The following SLC12A2 variants were observed in gnomAD, a reference collection of about 807,000 sequenced individuals.
SLC12A2 encodes solute carrier family 12 member 2, also known as Na-K-2Cl cotransporter 1.
SLC12A2 carries 67 observed loss-of-function variants against 136.3 expected under a neutral mutation model. That is an observed-to-expected ratio of 0.49 (90% CI 0.40 to 0.60). The LOEUF (loss-of-function observed/expected upper bound fraction) is 0.60. SLC12A2 is among the 20% of genes least tolerant of loss of function. The pLI is 0.00. For missense variants in SLC12A2, 1,322 were observed against 1,534.7 expected (o/e 0.86, Z 2.32); for synonymous variants, 619 against 562.9 (o/e 1.10, Z -1.41).
At chr5:128,126,244 A>C (rs1248401484) in intron 4 of SLC12A2, among the ~76,000 whole-genome samples, 1 of 152,222 alleles carries the variant, frequency 6.6e-6, no homozygotes, top group Non-Finnish European at 1.5e-5. Flanking sequence ...CTAATAATCC[A>C]GTTTAAAAAT....
intron 10 of SLC12A2, among the ~76,000 whole-genome samples, chr5:128,145,533 T>C (rs1373144510): frequency 6.6e-6 from 1 of 152,110 alleles, no homozygotes; most frequent in African/African-American, 2.4e-5. Context: ...GCACAGCATA[T>C]ATGTAACTAC....
intron 1 of SLC12A2, chr5:128,110,087 C>G: frequency 2.1e-6 from 2 of 948,910 alleles, no homozygotes; most frequent in Non-Finnish European, 3.5e-6. Flanking sequence ...AAGTTTATAT[C>G]AAGTCTCATG....
At chr5:128,185,683 T>G (rs1017966082) in intron 26 of SLC12A2, among the ~76,000 whole-genome samples, 3 of 152,164 alleles carry the variant, frequency 2.0e-5, no homozygotes, top group African/African-American at 7.2e-5. Flanking sequence ...AAAAATTGCA[T>G]TTATCCATAT....
At chr5:128,166,000 T>C (rs924349894) in intron 17 of SLC12A2, among the ~76,000 whole-genome samples, 4 of 127,134 alleles carry the variant, frequency 3.1e-5, no homozygotes, top group African/African-American at 9.4e-5. Context: ...TATCTGCCTC[T>C]CCAAGTCAAA....
intron 4 of SLC12A2, among the ~76,000 whole-genome samples, chr5:128,124,534 G>T (rs1761708428): frequency 6.6e-6 from 1 of 152,074 alleles, no homozygotes; most frequent in Admixed American, 6.5e-5. Flanking sequence ...TATAATAAAG[G>T]CTACAACACA....
At chr5:128,157,850 T>C (rs534739414) in intron 15 of SLC12A2, 7 of 501,992 alleles carry the variant, frequency 1.4e-5, no homozygotes, top group African/African-American at 1.2e-4. Flanking sequence ...GAGGGACATT[T>C]GGCATGATGT....
At position 128,114,200 on chromosome 5, in the gene SLC12A2, T is replaced by G. The variant is rs932431887; in HGVS notation, c.877-12T>G. ...TCTTCCTCTGTGTCTTGGCCTCTTT[T>G]TCCCTCTTTAGGTACGTTGTATGTT... is the stretch of plus-strand genomic sequence containing the variant. On this transcript the variant is annotated splice_polypyrimidine_tract_variant and intron_variant, in intron 2 of 26. Coordinates refer to ENST00000262461, the MANE Select transcript of SLC12A2 (RefSeq NM_001046.3). 4 of 1,605,112 alleles carry G rather than the reference T, an allele frequency of 2.5e-6. No individual in the cohort carries two copies. Among genetic ancestry groups the G allele is most frequent in the Non-Finnish European group, 3.4e-6 (4 of 1,172,606 alleles).
Position 128,084,943 on chromosome 5 carries a change from A to G in SLC12A2, c.756+233A>G, listed in dbSNP as rs1463099306. Among the ~76,000 whole-genome samples the G allele has an allele frequency of 6.8e-6, 1 of 147,046 alleles. No individual in the cohort carries two copies. Among genetic ancestry groups the G allele is most frequent in the African/African-American group, 2.5e-5 (1 of 39,522 alleles). On this transcript the variant is annotated intron_variant, in intron 1 of 26. Coordinates refer to ENST00000262461, the MANE Select transcript of SLC12A2 (RefSeq NM_001046.3). The surrounding 1 kb of genome is among the most constrained non-coding windows in gnomAD (Gnocchi z 5.6). Reference sequence around the variant, plus strand: ...TGATACCGGAGGGCTGCCTCTAACAACCTTCCCCATCCAGTTAGGTATCTC... The same window carrying G: ...TGATACCGGAGGGCTGCCTCTAACAGCCTTCCCCATCCAGTTAGGTATCTC...
chr5:128,184,324 TAAAATA>T (rs1763800317), intron 24 of SLC12A2, 36 bp from the exon 25 acceptor site: 1 of 1,272,228 alleles, frequency 7.9e-7, no homozygotes, highest in South Asian at 1.8e-5. Flanking sequence ...TTATGTAACT[TAAAATA>T]AGATTAGTTG....
chr5:128,148,823 C>T lies in SLC12A2; in HGVS notation c.1951C>T (p.Pro651Ser). 1 of 1,608,250 alleles carries T rather than the reference C, an allele frequency of 6.2e-7. No homozygotes were observed. Residue 651 changes from proline to serine, a missense_variant, in exon 12 of 27, where the codon CCT becomes TCT. This residue lies in a region of SLC12A2 where 294 missense variants were observed against 436.6 expected (regional missense o/e 0.67). Coordinates refer to ENST00000262461, the MANE Select transcript of SLC12A2 (RefSeq NM_001046.3). The stretch of plus-strand genomic sequence containing the variant: ...TAAAGGTTATGGGAAAAATAATGAA[C>T]CTCTTCGTGGCTACATCTTAACATT... The part of the protein sequence containing the change: ...FAKGYGKNNE[P>S]LRGYILTFLI...
At position 128,148,839 on chromosome 5, in the gene SLC12A2, T is replaced by C. The variant is rs767503198; in HGVS notation, c.1967T>C (p.Ile656Thr). 1.0e-5 allele frequency: 16 copies of C among 1,604,284 alleles called. No individual in the cohort carries two copies. Among genetic ancestry groups the C allele is most frequent in the Non-Finnish European group, 1.4e-5 (16 of 1,175,918 alleles). The change falls in exon 12 of 27, where the codon ATC (isoleucine) becomes ACC (threonine). Residue 656 changes from isoleucine to threonine, a missense_variant. Coordinates refer to ENST00000262461, the MANE Select transcript of SLC12A2 (RefSeq NM_001046.3). ...GKNNEPLRGY[I>T]LTFLIALGFI... ...AATAATGAACCTCTTCGTGGCTACA[T>C]CTTAACATTCTTAATTGCACTTGGA...
intron 4 of SLC12A2, among the ~76,000 whole-genome samples, chr5:128,120,299 G>A (rs1761507287): frequency 6.9e-6 from 1 of 144,910 alleles, no homozygotes; most frequent in Admixed American, 7.1e-5. Flanking sequence ...AAGTCAGTGT[G>A]GCGATTCCTC....
Position 128,178,664 on chromosome 5 carries a change from T to A in SLC12A2, c.3075T>A (p.Asp1025Glu). The A allele has an allele frequency of 6.3e-7, 1 of 1,579,828 alleles. No individual in the cohort carries two copies. Among genetic ancestry groups the A allele is most frequent in the Non-Finnish European group, 8.6e-7 (1 of 1,166,928 alleles). ...AAAAACAAGGAAAGAATACTATTGA[T>A]GTCTGGTGGCTTTTTGATGATGGAG... ...FQKKQGKNTIDVWWLFDDGGL... is the reference protein window; with the variant it reads ...FQKKQGKNTIEVWWLFDDGGL... Residue 1025 changes from aspartate (D) to glutamate (E), a missense_variant, in exon 22 of 27, where the codon GAT becomes GAA. Physicochemically the swap from Asp to Glu is conservative, Grantham distance 45. Transcript: ENST00000262461.
chr5:128,124,846 C>T (rs934410613), intron 4 of SLC12A2, among the ~76,000 whole-genome samples: 4 of 152,170 alleles, frequency 2.6e-5, no homozygotes, highest in African/African-American at 4.8e-5. Flanking sequence ...AGTTGTTCCT[C>T]TAGCAACTAG....
intron 9 of SLC12A2, among the ~76,000 whole-genome samples, chr5:128,141,120 A>G (rs1489970793): frequency 6.6e-6 from 1 of 152,194 alleles, no homozygotes; most frequent in Non-Finnish European, 1.5e-5. Context: ...GGTCACTTTT[A>G]AAATATTTTA....
chr5:128,167,976 TATAAG>T, intron 18 of SLC12A2, 109 bp downstream of exon 18: 1 of 593,336 alleles, frequency 1.7e-6, no homozygotes, highest in South Asian at 2.7e-5. Context: ...GTAATGGAAA[TATAAG>T]AACGAAAAGA....
chr5:128,151,562 T>G (rs979400667), intron 14 of SLC12A2, among the ~76,000 whole-genome samples, 166 bp downstream of exon 14: 1 of 152,076 alleles, frequency 6.6e-6, no homozygotes, highest in African/African-American at 2.4e-5. Context: ...TAAAGTTTTT[T>G]TTTTTTCAAA....
At chr5:128,093,294 T>G (rs1760406598) in intron 1 of SLC12A2, among the ~76,000 whole-genome samples, 1 of 152,126 alleles carries the variant, frequency 6.6e-6, no homozygotes, top group South Asian at 2.1e-4. Context: ...TTCTCTAACC[T>G]GAACATCCTC....
intron 5 of SLC12A2, among the ~76,000 whole-genome samples, chr5:128,132,485 T>C (rs806100): frequency 0.48 from 72,591 of 152,042 alleles, 18,490 homozygotes; most frequent in Non-Finnish European, 0.56. Flanking sequence ...ACAGGACAGT[T>C]TAGTTTGAAT....
Sources: gnomAD v4.1 joint callset for allele counts (sites outside exome capture counted in the v4.1 genomes callset) on GRCh38, gnomAD v4.1.1 for gene constraint, gnomAD v4.1.1 regional missense constraint, Gnocchi (gnomAD v3.1) non-coding constraint, MANE v1.5 for transcripts, NCBI Gene and HGNC (gene_info 2026-07-23, HGNC 2026-07-21) for gene names.